MEMO1: variants seen among roughly 807,000 people sequenced by gnomAD.
The protein encoded by MEMO1 is protein MEMO1.
In MEMO1, 6 loss-of-function variants were observed where a neutral mutation model predicts 45.2. That is an observed-to-expected ratio of 0.13 (90% CI 0.07 to 0.26). MEMO1 has a LOEUF of 0.26. Ranked by LOEUF, MEMO1 falls within the 10% of genes least tolerant of loss-of-function variation. The pLI, the probability that MEMO1 is intolerant of heterozygous loss-of-function variation, is 1.00. For missense variants in MEMO1, 184 were observed against 370.5 expected, an observed-to-expected ratio of 0.50 and a Z score of 4.13; for synonymous variants, 78 against 124.3, an observed-to-expected ratio of 0.63 and a Z score of 2.48.
At chr2:31,992,391 C>CAG (rs1197994582) in intron 2 of MEMO1, among the ~76,000 whole-genome samples, 1 of 152,218 alleles carries the variant, frequency 6.6e-6, no homozygotes, top group East Asian at 1.9e-4. Context: ...TGATCCTTTA[C>CAG]AGAGATAAGA....
At chr2:31,911,433 A>G (rs894840024) in intron 6 of MEMO1, among the ~76,000 whole-genome samples, 1 of 152,340 alleles carries the variant, frequency 6.6e-6, no homozygotes, top group Admixed American at 6.5e-5. Context: ...ACCATTCTGT[A>G]TGGTATTATA....
At chr2:31,991,346 A>C in intron 2 of MEMO1, among the ~76,000 whole-genome samples, 1 of 152,118 alleles carries the variant, frequency 6.6e-6, no homozygotes, top group Non-Finnish European at 1.5e-5. Flanking sequence ...CCGAGGTGGG[A>C]GGATCATCTG....
chr2:31,914,896 A>G (rs1188123256), intron 6 of MEMO1, among the ~76,000 whole-genome samples: 1 of 151,472 alleles, frequency 6.6e-6, no homozygotes, highest in Non-Finnish European at 1.5e-5. Context: ...GTTCAAGGCT[A>G]CAGTGAGTTA....
intron 2 of MEMO1, among the ~76,000 whole-genome samples, chr2:31,968,661 C>T (rs1289188300): frequency 6.6e-6 from 1 of 152,170 alleles, no homozygotes; most frequent in Non-Finnish European, 1.5e-5. Context: ...ACTCTTCAGT[C>T]CATATCCTTG....
chr2:32,006,567 C>G (rs1466368499), intron 2 of MEMO1, among the ~76,000 whole-genome samples: 3 of 151,052 alleles, frequency 2.0e-5, no homozygotes, highest in Non-Finnish European at 4.4e-5. Context: ...ATATTAACAA[C>G]CATTCTTAGC....
At chr2:31,882,907 T>G (rs1675628758) in intron 8 of MEMO1, among the ~76,000 whole-genome samples, 2 of 152,166 alleles carry the variant, frequency 1.3e-5, no homozygotes, top group South Asian at 4.1e-4. Context: ...AACAGTAATT[T>G]GGTCTGCTAT....
At chr2:31,885,515 G>A (rs1445375134) in intron 7 of MEMO1, among the ~76,000 whole-genome samples, 1 of 152,172 alleles carries the variant, frequency 6.6e-6, no homozygotes, top group Non-Finnish European at 1.5e-5. Flanking sequence ...CAATTCATTT[G>A]ATACTAAATT....
At chr2:31,909,190 A>G (rs976563807) in intron 6 of MEMO1, among the ~76,000 whole-genome samples, 1 of 152,246 alleles carries the variant, frequency 6.6e-6, no homozygotes, top group African/African-American at 2.4e-5. Flanking sequence ...CTTTCCACTA[A>G]GATCTGGAAC....
chr2:31,953,426 T>C (rs967677753), intron 2 of MEMO1, among the ~76,000 whole-genome samples: 2 of 150,944 alleles, frequency 1.3e-5, no homozygotes, highest in Non-Finnish European at 2.9e-5. Context: ...ATGGACTTAC[T>C]ATGTAAATCA....
intron 2 of MEMO1, among the ~76,000 whole-genome samples, chr2:32,003,168 T>C (rs1019923350): frequency 1.3e-5 from 2 of 152,120 alleles, no homozygotes; most frequent in Admixed American, 6.5e-5. Context: ...CTCCTAAACT[T>C]ACAGTACATG....
intron 2 of MEMO1, among the ~76,000 whole-genome samples, chr2:31,980,609 T>C (rs1407247212): frequency 1.3e-5 from 2 of 152,114 alleles, no homozygotes; most frequent in Non-Finnish European, 1.5e-5. Flanking sequence ...ACCAATCCTA[T>C]ATAAGATGAT....
Position 31,992,490 on chromosome 2 carries a change from A to C in MEMO1, c.61+17697T>G, listed in dbSNP as rs1672064277. Among the ~76,000 whole-genome samples the C allele has an allele frequency of 2.6e-5, 4 of 152,230 alleles. No individual in the cohort carries two copies. In the South Asian group the frequency reaches 6.2e-4, roughly 24 times the overall value. On this transcript the variant is annotated intron_variant, in intron 2 of 9. Coordinates refer to ENST00000404530, the MANE Select transcript of MEMO1 (RefSeq NM_001301833.4). The stretch of plus-strand genomic sequence containing the variant: ...ATGGATAAAAGACTGAAATGTCAAA[A>C]GTGAATTAATGGGCGGGGCACAGTG...
intron 3 of MEMO1, 109 bp downstream of exon 3, chr2:31,943,193 A>C: frequency 1.3e-6 from 1 of 790,660 alleles, no homozygotes. Flanking sequence ...TGAACCTGGG[A>C]GGCGGAGGTT....
At chr2:31,918,078 G>T in intron 5 of MEMO1, 41 bp from the exon 6 acceptor site, 2 of 1,417,578 alleles carry the variant, frequency 1.4e-6, no homozygotes, top group Non-Finnish European at 1.9e-6. Context: ...ATATATTAAT[G>T]TATATCCTTA....
chr2:31,962,318 A>G (rs1668100588), intron 2 of MEMO1, among the ~76,000 whole-genome samples: 1 of 152,116 alleles, frequency 6.6e-6, no homozygotes, highest in Non-Finnish European at 1.5e-5. Context: ...GAGCCTGGGG[A>G]AGTCGAGGCT....
intron 2 of MEMO1, among the ~76,000 whole-genome samples, chr2:31,979,080 G>A (rs769840116): frequency 1.2e-4 from 19 of 152,130 alleles, no homozygotes; most frequent in Non-Finnish European, 2.5e-4. Context: ...CTGGGGAGGT[G>A]GCAGAAGGTG....
chr2:31,869,970 G>T lies in MEMO1; in HGVS notation c.658-18C>A. 1.8e-6 allele frequency: 2 copies of T among 1,125,268 alleles called. No individual in the cohort carries two copies. The highest frequency in any genetic ancestry group is 2.2e-5 in the South Asian group (1 of 46,034). 69.7% of individuals were successfully genotyped at this position (1,125,268 alleles called of 1,614,324 possible). On this transcript the variant is annotated intron_variant, in intron 8 of 9. Coordinates refer to ENST00000404530, the MANE Select transcript of MEMO1 (RefSeq NM_001301833.4). Reference sequence around the variant, plus strand: ...CTCATACCCTAAAAAAAAAAAAAAAGAAGAGGAAGAAAAAAATAAAAGAAG... The same window carrying T: ...CTCATACCCTAAAAAAAAAAAAAAATAAGAGGAAGAAAAAAATAAAAGAAG...
Position 31,917,916 on chromosome 2 carries a change from A to G in MEMO1, c.437+10T>C, listed in dbSNP as rs767667636. 17 of 1,540,716 alleles carry G rather than the reference A, an allele frequency of 1.1e-5. No homozygotes were observed. Among genetic ancestry groups the G allele is most frequent in the Non-Finnish European group, 1.4e-5 (16 of 1,132,530 alleles). On this transcript the variant is annotated intron_variant, in intron 6 of 9. Coordinates refer to ENST00000404530, the MANE Select transcript of MEMO1 (RefSeq NM_001301833.4). ...GATTTCCTGGGGATTTCTTATATCA[A>G]TCAATATACCTTTCCATGGCTTTAG... is the stretch of plus-strand genomic sequence containing the variant.
chr2:31,981,189 C>T (rs1329076410), intron 2 of MEMO1, among the ~76,000 whole-genome samples: 1 of 152,182 alleles, frequency 6.6e-6, no homozygotes, highest in Non-Finnish European at 1.5e-5. Flanking sequence ...TGAAGGAGGG[C>T]CCCACAGACA....
Sources: allele counts gnomAD v4.1 joint callset (sites outside exome capture counted in the v4.1 genomes callset), GRCh38; gene constraint gnomAD v4.1.1; transcripts MANE v1.5; gene names NCBI Gene and HGNC (gene_info 2026-07-23, HGNC 2026-07-21).